The following USH2A variants were observed in gnomAD, a reference collection of about 807,000 sequenced individuals.
The protein encoded by USH2A is usherin, also known as Usher syndrome 2A (autosomal recessive, mild).
In USH2A, 443 loss-of-function variants were observed where a neutral mutation model predicts 538.9. The ratio of observed to expected loss-of-function variants is 0.82; its 90% CI spans 0.76 to 0.89. USH2A has a LOEUF of 0.89. Ranked by LOEUF, USH2A falls within the 40% of genes least tolerant of loss-of-function variation. The probability of loss-of-function intolerance (pLI) is 0.00; values close to 1 mark genes in which losing one functional copy is unlikely to be tolerated. For missense variants in USH2A, 6,633 were observed against 6,324.8 expected (o/e 1.05, Z -1.65); for synonymous variants, 2,413 against 2,273.5 (o/e 1.06, Z -1.75).
Position 216,245,021 on chromosome 1 carries a change from T to C in USH2A, c.2809+1564A>G, listed in dbSNP as rs2036009452. Among the ~76,000 whole-genome samples, 9 of 152,150 alleles carry C rather than the reference T, an allele frequency of 5.9e-5. No homozygotes were observed. In the South Asian group the frequency reaches 1.9e-3, roughly 32 times the overall value. Reference sequence around the variant, plus strand: ...ACTGTGTAGGAGACAAAGGACTTTGTTGCCAAAATTAGAGATATTGATAAA... The same window carrying C: ...ACTGTGTAGGAGACAAAGGACTTTGCTGCCAAAATTAGAGATATTGATAAA... On this transcript the variant is annotated intron_variant, in intron 13 of 71. Transcript: ENST00000307340.
intron 32 of USH2A, among the ~76,000 whole-genome samples, chr1:216,020,066 A>G (rs968958554): frequency 2.6e-5 from 4 of 152,168 alleles, no homozygotes; most frequent in Admixed American, 1.3e-4. Context: ...CTCTTTTAAA[A>G]CAGCAATTTT....
intron 44 of USH2A, among the ~76,000 whole-genome samples, chr1:215,847,707 G>A (rs1419516298): frequency 6.6e-6 from 1 of 151,838 alleles, no homozygotes; most frequent in Non-Finnish European, 1.5e-5. Context: ...AGGAAAAAGT[G>A]GCATTTCTCC....
chr1:216,141,510 G>A (rs936768289), intron 21 of USH2A, among the ~76,000 whole-genome samples: 2 of 152,164 alleles, frequency 1.3e-5, no homozygotes, highest in African/African-American at 4.8e-5. Flanking sequence ...CATGGTTGAG[G>A]GAGTCTAAAA....
chr1:215,788,170 A>G (rs1661858002), intron 51 of USH2A, among the ~76,000 whole-genome samples: 1 of 152,150 alleles, frequency 6.6e-6, no homozygotes, highest in Non-Finnish European at 1.5e-5. Context: ...TACACACAAG[A>G]CAGTGCATAC....
At chr1:216,085,181 C>G (rs893113759) in intron 24 of USH2A, 1 of 320,160 alleles carries the variant, frequency 3.1e-6, no homozygotes, top group Non-Finnish European at 5.9e-6. Flanking sequence ...CTGCCACTAG[C>G]CTCAAAAATA....
intron 3 of USH2A, among the ~76,000 whole-genome samples, chr1:216,382,895 G>A (rs2038944335): frequency 6.6e-6 from 1 of 152,070 alleles, no homozygotes; most frequent in African/African-American, 2.4e-5. Context: ...TTCACAGGAT[G>A]AAAGCCCGAA....
intron 19 of USH2A, among the ~76,000 whole-genome samples, chr1:216,195,281 G>A (rs1472309471): frequency 6.6e-6 from 1 of 152,074 alleles, no homozygotes; most frequent in Non-Finnish European, 1.5e-5. Context: ...CAAGCAGGTG[G>A]TTCAGGCCCC....
intron 21 of USH2A, among the ~76,000 whole-genome samples, chr1:216,124,221 A>G (rs1339896798): frequency 1.3e-5 from 2 of 151,022 alleles, no homozygotes; most frequent in African/African-American, 2.4e-5. Context: ...ATAAAATACA[A>G]ATACATCAAA....
intron 61 of USH2A, among the ~76,000 whole-genome samples, chr1:215,710,423 A>T (rs180879952): frequency 2.0e-5 from 3 of 152,186 alleles, no homozygotes. Flanking sequence ...CTACTTCCAC[A>T]CTTGCAATCA....
intron 61 of USH2A, 35 bp from the exon 62 acceptor site, chr1:215,680,411 T>A: frequency 2.5e-6 from 4 of 1,607,790 alleles, no homozygotes; most frequent in Non-Finnish European, 3.4e-6. Context: ...TTGTTGTTTT[T>A]TTTTTTTGAA....
chr1:215,906,442 G>A (rs1665642341), intron 38 of USH2A, among the ~76,000 whole-genome samples: 1 of 151,964 alleles, frequency 6.6e-6, no homozygotes, highest in African/African-American at 2.4e-5. Flanking sequence ...GGCACACTGA[G>A]GATTCTAACA....
intron 21 of USH2A, among the ~76,000 whole-genome samples, chr1:216,168,640 G>T (rs981206508): frequency 6.6e-6 from 1 of 152,090 alleles, no homozygotes; most frequent in African/African-American, 2.4e-5. Flanking sequence ...TACAAGATAA[G>T]GAATGATGGT....
intron 22 of USH2A, among the ~76,000 whole-genome samples, chr1:216,092,492 C>T (rs541161397): frequency 6.6e-6 from 1 of 152,254 alleles, no homozygotes; most frequent in East Asian, 1.9e-4. Flanking sequence ...CTTTTTAAAA[C>T]CCAGAGTAGC....
chr1:215,970,058 G>A (rs1667453798), intron 36 of USH2A, among the ~76,000 whole-genome samples: 2 of 152,142 alleles, frequency 1.3e-5, no homozygotes, highest in Admixed American at 6.6e-5. Flanking sequence ...AACTGCTAAT[G>A]AAATATAGAT....
At chr1:215,898,484 G>A (rs567709376) in intron 40 of USH2A, among the ~76,000 whole-genome samples, 1 of 152,100 alleles carries the variant, frequency 6.6e-6, no homozygotes, top group Non-Finnish European at 1.5e-5. Flanking sequence ...CCTGCCTATA[G>A]ATGGCAGGTC....
intron 21 of USH2A, among the ~76,000 whole-genome samples, chr1:216,151,634 A>G (rs958253020): frequency 1.3e-5 from 2 of 151,856 alleles, no homozygotes; most frequent in African/African-American, 4.8e-5. Context: ...GCCCAAGTTG[A>G]CTCTTTAGCT....
At position 216,078,281 on chromosome 1, in the gene USH2A, A is replaced by G. The variant is rs1020916843; in HGVS notation, c.5380T>C (p.Ser1794Pro). 1.9e-6 allele frequency: 3 copies of G among 1,613,690 alleles called. No homozygotes were observed. The highest frequency in any genetic ancestry group is 2.5e-6 in the Non-Finnish European group (3 of 1,179,730). The change falls in exon 27 of 72, where the codon TCC (serine) becomes CCC (proline). Residue 1794 changes from serine (S) to proline (P), a missense_variant. Ser to Pro is a moderately conservative substitution (Grantham distance 74). Transcript: ENST00000307340. ...FTQVDLLLGLSYCNGKWNKVI... is the reference protein window; with the variant it reads ...FTQVDLLLGLPYCNGKWNKVI... ...TTATTCCACTTTCCATTACAATAGGATAGCCCCAGCAATAGATCCACTTGT... is the reference window on the plus strand; with the variant it reads ...TTATTCCACTTTCCATTACAATAGGGTAGCCCCAGCAATAGATCCACTTGT...
At chr1:215,791,735 C>A (rs1443317589) in intron 50 of USH2A, among the ~76,000 whole-genome samples, 1 of 152,088 alleles carries the variant, frequency 6.6e-6, no homozygotes, top group Admixed American at 6.5e-5. Context: ...GAGCAGGGCT[C>A]ATTTTAGTCT....
intron 3 of USH2A, among the ~76,000 whole-genome samples, chr1:216,391,857 T>C (rs2039114945): frequency 6.6e-6 from 1 of 152,206 alleles, no homozygotes. Flanking sequence ...TTGAACCAAC[T>C]TTCTATCCAT....
Sources: allele counts gnomAD v4.1 joint callset (sites outside exome capture counted in the v4.1 genomes callset), GRCh38; gene constraint gnomAD v4.1.1; transcripts MANE v1.5; gene names NCBI Gene and HGNC (gene_info 2026-07-23, HGNC 2026-07-21).